The following QTGAL variants were observed in gnomAD, a reference collection of about 807,000 sequenced individuals.
QTGAL encodes queuosine-tRNA galactosyltransferase, also known as BGnT-like protein 1.
At chr17:83,009,717 G>A in the QTGAL span, among the ~76,000 whole-genome samples, 3 of 152,122 alleles carry the variant, frequency 2.0e-5, no homozygotes, top group Admixed American at 6.5e-5. Context: ...CATGGTGCTG[G>A]GTGCGAGGGA....
At chr17:82,964,034 G>C in the QTGAL span, among the ~76,000 whole-genome samples, 890 of 139,574 alleles carry the variant, frequency 6.4e-3, 10 homozygotes, top group Non-Finnish European at 0.01. Context: ...AGGTCGGGGG[G>C]GTGGATTGCT....
chr17:83,008,773 C>T, the QTGAL span, among the ~76,000 whole-genome samples: 3 of 152,154 alleles, frequency 2.0e-5, no homozygotes, highest in Non-Finnish European at 4.4e-5. Flanking sequence ...TGCCATTGAG[C>T]GAGTGCGCGG....
the QTGAL span, among the ~76,000 whole-genome samples, chr17:82,989,884 C>T: frequency 6.6e-6 from 1 of 152,172 alleles, no homozygotes; most frequent in Non-Finnish European, 1.5e-5. Flanking sequence ...AAGTATACCA[C>T]AGGAGTATAT....
At chr17:83,044,202 T>C in the QTGAL span, among the ~76,000 whole-genome samples, 1 of 152,224 alleles carries the variant, frequency 6.6e-6, no homozygotes, top group African/African-American at 2.4e-5. Flanking sequence ...TACAGGCCAA[T>C]AGCCCTTACA....
At chr17:83,039,592 C>CGCCGCCCG in the QTGAL span, among the ~76,000 whole-genome samples, 1 of 142,430 alleles carries the variant, frequency 7.0e-6, no homozygotes, top group Non-Finnish European at 1.6e-5. Flanking sequence ...GCTGGGCGCC[C>CGCCGCCCG]ACCGCCCGCC....
At chr17:83,008,781 C>T in the QTGAL span, among the ~76,000 whole-genome samples, 1,673 of 152,206 alleles carry the variant, frequency 0.011, 31 homozygotes, top group African/African-American at 0.038. Context: ...AGCGAGTGCG[C>T]GGGCTCCAGA....
the QTGAL span, chr17:82,961,055 A>C: frequency 3.1e-6 from 5 of 1,607,802 alleles, no homozygotes; most frequent in Non-Finnish European, 1.7e-6. Flanking sequence ...GGGCTGACTC[A>C]CTCGAGGACG....
chr17:83,002,280 A>G, the QTGAL span, among the ~76,000 whole-genome samples: 1 of 152,148 alleles, frequency 6.6e-6, no homozygotes, highest in East Asian at 1.9e-4. Context: ...GCTCTCGGTG[A>G]CAGCGCTCTG....
At chr17:83,027,242 T>A in the QTGAL span, among the ~76,000 whole-genome samples, 2 of 152,186 alleles carry the variant, frequency 1.3e-5, no homozygotes, top group Admixed American at 6.5e-5. Flanking sequence ...CACCGCCAAG[T>A]GATTTTCAAC....
At chr17:83,031,404 G>A in the QTGAL span, among the ~76,000 whole-genome samples, 736 of 97,960 alleles carry the variant, frequency 7.5e-3, no homozygotes, top group Middle Eastern at 0.01. Context: ...ACGGCCGCCA[G>A]AGCACCCACG....
chr17:82,964,027 T>TGGGGGG, the QTGAL span, among the ~76,000 whole-genome samples: 6 of 144,838 alleles, frequency 4.1e-5, no homozygotes, highest in African/African-American at 1.6e-4. Context: ...AAGGCTGAGG[T>TGGGGGG]CGGGGGGGTG....
At chr17:83,034,930 C>T in the QTGAL span, 27 of 927,066 alleles carry the variant, frequency 2.9e-5, no homozygotes, top group African/African-American at 1.7e-4. Flanking sequence ...GTCTAATAAC[C>T]ATTAGAAAAA....
the QTGAL span, chr17:82,965,706 C>G: frequency 1.2e-6 from 2 of 1,612,648 alleles, no homozygotes; most frequent in African/African-American, 1.3e-5. Context: ...CGAGCAGAAC[C>G]AGGTGGGCAT....
At chr17:82,988,664 A>G in the QTGAL span, among the ~76,000 whole-genome samples, 1 of 152,200 alleles carries the variant, frequency 6.6e-6, no homozygotes, top group East Asian at 1.9e-4. Context: ...ACAAGAAAAA[A>G]CAAACAACCC....
the QTGAL span, among the ~76,000 whole-genome samples, chr17:82,970,616 C>CACCCGGCGTGGCCACGACCTCCG: frequency 6.4e-5 from 2 of 31,210 alleles, no homozygotes; most frequent in East Asian, 1.9e-3. Flanking sequence ...CGCGACCTCC[C>CACCCGGCGTGGCCACGACCTCCG]CACCCGGCGT....
At chr17:82,983,468 A>T in the QTGAL span, among the ~76,000 whole-genome samples, 2 of 152,192 alleles carry the variant, frequency 1.3e-5, no homozygotes, top group African/African-American at 4.8e-5. Flanking sequence ...CTCAGAGTCC[A>T]TTTTAAACAC....
the QTGAL span, among the ~76,000 whole-genome samples, chr17:82,952,710 A>C: frequency 1.3e-5 from 2 of 152,242 alleles, no homozygotes; most frequent in Non-Finnish European, 2.9e-5. Flanking sequence ...CCTAATAGAC[A>C]TCTACAGAAC....
chr17:82,960,987 GC>G, the QTGAL span: 2 of 1,532,556 alleles, frequency 1.3e-6, no homozygotes, highest in East Asian at 2.4e-5. Flanking sequence ...ACCAACCCCG[GC>G]CCCGACCTCG....
the QTGAL span, among the ~76,000 whole-genome samples, chr17:83,019,492 G>A: frequency 6.6e-6 from 1 of 152,222 alleles, no homozygotes; most frequent in Non-Finnish European, 1.5e-5. Flanking sequence ...CAGAGCCAAA[G>A]TCATGGGGAC....
Sources: allele counts gnomAD v4.1 joint callset (sites outside exome capture counted in the v4.1 genomes callset), GRCh38; gene constraint gnomAD v4.1.1; transcripts MANE v1.5; gene names NCBI Gene and HGNC (gene_info 2026-07-23, HGNC 2026-07-21).